The following CTNNA3 variants were observed in gnomAD, a reference collection of about 807,000 sequenced individuals.
The protein encoded by CTNNA3 is catenin alpha 3, also known as catenin alpha-3.
A neutral mutation model predicts 95.7 loss-of-function variants in CTNNA3; 76 were observed. That is an observed-to-expected ratio of 0.79 (90% confidence interval 0.66 to 0.96). The LOEUF (loss-of-function observed/expected upper bound fraction) is 0.96. Ranked by LOEUF, CTNNA3 falls within the 40% of genes least tolerant of loss-of-function variation. The probability of loss-of-function intolerance (pLI) is 0.00; values close to 1 mark genes in which losing one functional copy is unlikely to be tolerated. For missense variants in CTNNA3, 1,191 were observed against 1,089.8 expected (o/e 1.09, Z -1.31); for synonymous variants, 431 against 374.4 (o/e 1.15, Z -1.74).
At chr10:66,855,891 A>G (rs908173145) in intron 7 of CTNNA3, among the ~76,000 whole-genome samples, 1 of 152,012 alleles carries the variant, frequency 6.6e-6, no homozygotes, top group African/African-American at 2.4e-5. Flanking sequence ...CAATAATATT[A>G]TCAATAATAT....
At chr10:66,478,642 C>A (rs1839409067) in intron 11 of CTNNA3, among the ~76,000 whole-genome samples, 3 of 151,622 alleles carry the variant, frequency 2.0e-5, no homozygotes, top group Non-Finnish European at 4.4e-5. Context: ...AGTAATAAAG[C>A]TTAACGCTAT....
intron 5 of CTNNA3, among the ~76,000 whole-genome samples, chr10:67,251,018 A>C (rs1866087545): frequency 6.6e-6 from 1 of 152,228 alleles, no homozygotes; most frequent in African/African-American, 2.4e-5. Flanking sequence ...TGTCCACATA[A>C]AAACTTGTAC....
chr10:67,255,714 C>T (rs1039538085), intron 5 of CTNNA3, among the ~76,000 whole-genome samples: 1 of 152,186 alleles, frequency 6.6e-6, no homozygotes, highest in African/African-American at 2.4e-5. Context: ...ATGTGTGTAA[C>T]TGCTAGGCTG....
intron 12 of CTNNA3, among the ~76,000 whole-genome samples, chr10:66,365,641 G>T (rs1383601881): frequency 2.6e-5 from 4 of 152,114 alleles, no homozygotes; most frequent in Non-Finnish European, 5.9e-5. Flanking sequence ...ATTGTCCAGT[G>T]ATATCTGCCT....
intron 11 of CTNNA3, among the ~76,000 whole-genome samples, chr10:66,473,657 C>T (rs1005815974): frequency 4.6e-5 from 7 of 151,934 alleles, no homozygotes; most frequent in African/African-American, 1.7e-4. Context: ...TAATGCTATC[C>T]CTCCTGCCTC....
At chr10:67,313,211 C>T (rs904031628) in intron 5 of CTNNA3, among the ~76,000 whole-genome samples, 6 of 151,994 alleles carry the variant, frequency 3.9e-5, no homozygotes, top group East Asian at 1.9e-4. Flanking sequence ...CCAAGGCAGG[C>T]GGATCACGAG....
intron 13 of CTNNA3, among the ~76,000 whole-genome samples, chr10:66,213,196 A>G (rs942484128): frequency 6.6e-6 from 1 of 152,148 alleles, no homozygotes; most frequent in Non-Finnish European, 1.5e-5. Context: ...TTCTACTTAT[A>G]ACTTCATAGG....
chr10:67,685,932 G>A (rs1840722849), intron 1 of CTNNA3, among the ~76,000 whole-genome samples: 1 of 151,328 alleles, frequency 6.6e-6, no homozygotes, highest in Admixed American at 6.6e-5. Flanking sequence ...CCTTCTCTTT[G>A]TCTATCTGTT....
intron 16 of CTNNA3, among the ~76,000 whole-genome samples, chr10:65,973,881 G>T (rs1169448111): frequency 1.3e-5 from 2 of 152,072 alleles, no homozygotes; most frequent in Non-Finnish European, 2.9e-5. Flanking sequence ...CAACATTGGG[G>T]ATTGCATTTC....
chr10:66,925,143 C>T (rs1846997326), intron 7 of CTNNA3, among the ~76,000 whole-genome samples: 2 of 152,028 alleles, frequency 1.3e-5, no homozygotes, highest in African/African-American at 2.4e-5. Context: ...GTTAGTGGTT[C>T]GGCATAAGAA....
chr10:65,997,793 G>T (rs528498921), intron 15 of CTNNA3, among the ~76,000 whole-genome samples: 1 of 152,246 alleles, frequency 6.6e-6, no homozygotes, highest in East Asian at 1.9e-4. Flanking sequence ...GAGATGGGTG[G>T]ATCACCTGAG....
intron 11 of CTNNA3, among the ~76,000 whole-genome samples, chr10:66,479,481 C>G (rs1839439181): frequency 6.6e-6 from 1 of 151,826 alleles, no homozygotes; most frequent in Non-Finnish European, 1.5e-5. Flanking sequence ...AATCAATACA[C>G]AAATTTTTGG....
At chr10:66,471,091 TATGCAAC>T (rs1489566695) in intron 11 of CTNNA3, among the ~76,000 whole-genome samples, 1 of 151,876 alleles carries the variant, frequency 6.6e-6, no homozygotes, top group Non-Finnish European at 1.5e-5. Flanking sequence ...GCGTTGGAAA[TATGCAAC>T]ATCCCCCATT....
chr10:67,112,864 A>G (rs184393625), intron 7 of CTNNA3, among the ~76,000 whole-genome samples: 81 of 144,318 alleles, frequency 5.6e-4, no homozygotes, highest in Middle Eastern at 6.8e-3. Flanking sequence ...CCATCACATT[A>G]TGGAATATCA....
intron 16 of CTNNA3, among the ~76,000 whole-genome samples, chr10:65,987,136 A>C (rs2078445115): frequency 6.6e-6 from 1 of 152,018 alleles, no homozygotes; most frequent in Admixed American, 6.6e-5. Context: ...TGATTTTGGC[A>C]AAGATTTGAT....
chr10:66,691,298 G>A (rs547287159), intron 9 of CTNNA3, among the ~76,000 whole-genome samples: 1 of 152,300 alleles, frequency 6.6e-6, no homozygotes, highest in Non-Finnish European at 1.5e-5. Flanking sequence ...CGGCGCACCA[G>A]GAGATTATAT....
At chr10:66,844,147 G>A (rs987755776) in intron 7 of CTNNA3, among the ~76,000 whole-genome samples, 3 of 152,166 alleles carry the variant, frequency 2.0e-5, no homozygotes, top group Admixed American at 2.0e-4. Flanking sequence ...TTCTAAATAA[G>A]AATTTACTGT....
At chr10:66,013,811 T>C (rs911894193) in intron 15 of CTNNA3, among the ~76,000 whole-genome samples, 3 of 152,202 alleles carry the variant, frequency 2.0e-5, no homozygotes, top group South Asian at 4.1e-4. Flanking sequence ...TTTATTAATA[T>C]GGATGTCTAA....
intron 3 of CTNNA3, among the ~76,000 whole-genome samples, chr10:67,572,494 A>G (rs764348796): frequency 1.6e-4 from 25 of 152,164 alleles, no homozygotes; most frequent in Non-Finnish European, 3.4e-4. Flanking sequence ...ATTCTTTCAT[A>G]AACTTTACCA....
Sources: gnomAD v4.1 joint callset for allele counts (sites outside exome capture counted in the v4.1 genomes callset) on GRCh38, gnomAD v4.1.1 for gene constraint, MANE v1.5 for transcripts, NCBI Gene and HGNC (gene_info 2026-07-23, HGNC 2026-07-21) for gene names.